The following ATP9B variants were observed in gnomAD, a reference collection of about 807,000 sequenced individuals.
The protein encoded by ATP9B is probable phospholipid-transporting ATPase IIB.
Under a neutral mutation model 146.1 loss-of-function variants are expected in ATP9B, and 110 were observed. The ratio of observed to expected loss-of-function variants is 0.75; its 90% CI spans 0.65 to 0.88. The LOEUF is 0.88. Among genes scored for constraint, ATP9B ranks in the 40% least tolerant of loss-of-function variants. The probability of loss-of-function intolerance (pLI) is 0.00; values close to 1 mark genes in which losing one functional copy is unlikely to be tolerated. For missense variants in ATP9B, 1,499 were observed against 1,496.4 expected (o/e 1.00, Z -0.03); for synonymous variants, 604 against 569.7 (o/e 1.06, Z -0.86).
intron 26 of ATP9B, among the ~76,000 whole-genome samples, chr18:79,368,074 G>C (rs114237617): frequency 6.6e-6 from 1 of 152,188 alleles, no homozygotes; most frequent in East Asian, 1.9e-4. Flanking sequence ...GCTGGAGGGC[G>C]CCATGGCCCC....
intron 7 of ATP9B, among the ~76,000 whole-genome samples, chr18:79,170,722 C>T (rs1331077528): frequency 6.6e-6 from 1 of 152,152 alleles, no homozygotes; most frequent in African/African-American, 2.4e-5. Context: ...TGGTCCAGTG[C>T]AGTGTCAGAG....
At chr18:79,235,092 C>T (rs897382741) in intron 11 of ATP9B, among the ~76,000 whole-genome samples, 6 of 152,060 alleles carry the variant, frequency 3.9e-5, no homozygotes, top group African/African-American at 1.2e-4. Flanking sequence ...GGGCTGGTCT[C>T]GAACTCCTAA....
intron 11 of ATP9B, among the ~76,000 whole-genome samples, chr18:79,222,635 TC>T (rs2095691233): frequency 6.6e-6 from 1 of 152,198 alleles, no homozygotes; most frequent in Non-Finnish European, 1.5e-5. Flanking sequence ...AGAGGAAAAT[TC>T]TGAGATTAAA....
At chr18:79,163,867 T>TACACACACACACACAC (rs1491204627) in intron 7 of ATP9B, among the ~76,000 whole-genome samples, 4 of 77,762 alleles carry the variant, frequency 5.1e-5, no homozygotes, top group Non-Finnish European at 2.3e-5. Flanking sequence ...TATTTTATTT[T>TACACACACACACACAC]ATACACACAC....
At chr18:79,260,679 G>A (rs922098808) in intron 12 of ATP9B, among the ~76,000 whole-genome samples, 2 of 152,228 alleles carry the variant, frequency 1.3e-5, no homozygotes, top group Admixed American at 6.5e-5. Flanking sequence ...GAATCTTACA[G>A]GCAGGAAACA....
chr18:79,144,574 A>G (rs941321917), intron 6 of ATP9B, among the ~76,000 whole-genome samples: 2 of 152,210 alleles, frequency 1.3e-5, no homozygotes. Flanking sequence ...TCAGGAGGTC[A>G]TGCTCGCTTG....
intron 9 of ATP9B, among the ~76,000 whole-genome samples, chr18:79,200,779 A>AGGTGGAGGTGGGGACTGTCGGGGGCAG (rs2095475928): frequency 3.5e-5 from 1 of 28,516 alleles, no homozygotes; most frequent in African/African-American, 1.4e-4. Context: ...GTCAGAGCAG[A>AGGTGGAGGTGGGGACTGTCGGGGGCAG]AGTAGTGGTG....
At chr18:79,134,389 G>T (rs2147290242) in intron 5 of ATP9B, among the ~76,000 whole-genome samples, 1 of 152,340 alleles carries the variant, frequency 6.6e-6, no homozygotes, top group Middle Eastern at 3.4e-3. Flanking sequence ...GTGGGGAGTG[G>T]CGTTACTCTG....
chr18:79,287,827 C>T (rs568436058), intron 13 of ATP9B, among the ~76,000 whole-genome samples: 1 of 149,834 alleles, frequency 6.7e-6, no homozygotes, highest in Non-Finnish European at 1.5e-5. Context: ...TCTTTGTTCT[C>T]GTTGGTTTCA....
At chr18:79,204,961 C>G (rs2095520734) in intron 9 of ATP9B, among the ~76,000 whole-genome samples, 1 of 152,006 alleles carries the variant, frequency 6.6e-6, no homozygotes, top group South Asian at 2.1e-4. Context: ...GTAAACAATT[C>G]CCAGCATCAT....
intron 13 of ATP9B, among the ~76,000 whole-genome samples, chr18:79,300,862 A>T (rs1419217884): frequency 6.6e-6 from 1 of 152,234 alleles, no homozygotes; most frequent in African/African-American, 2.4e-5. Context: ...ATTGTTCATA[A>T]TAAAAAAGTT....
Position 79,132,887 on chromosome 18 carries a change from C to G in ATP9B, c.667+6512C>G, listed in dbSNP as rs141441107. On this transcript the variant is annotated intron_variant, in intron 5 of 29. Transcript: ENST00000426216. Reference sequence around the variant, plus strand: ...TGAAAAGGAAAGCCACTTATAAATACGCTTTGTTTGGAAGCAGAAAATATT... The same window carrying G: ...TGAAAAGGAAAGCCACTTATAAATAGGCTTTGTTTGGAAGCAGAAAATATT... Among the ~76,000 whole-genome samples the G allele has an allele frequency of 2.0e-5, 3 of 152,180 alleles. No homozygotes were observed. In the South Asian group the frequency reaches 6.2e-4, roughly 31 times the overall value.
At chr18:79,244,423 C>T (rs566956334) in intron 11 of ATP9B, among the ~76,000 whole-genome samples, 24 of 152,212 alleles carry the variant, frequency 1.6e-4, no homozygotes, top group African/African-American at 5.3e-4. Context: ...ACACTAGAAA[C>T]GCATCAACTA....
intron 13 of ATP9B, among the ~76,000 whole-genome samples, chr18:79,295,495 A>G (rs906066988): frequency 1.3e-5 from 2 of 152,270 alleles, no homozygotes; most frequent in African/African-American, 2.4e-5. Context: ...CAGAATGTAC[A>G]TGGTGTTTAA....
At chr18:79,162,154 C>T (rs1258649579) in intron 7 of ATP9B, among the ~76,000 whole-genome samples, 1 of 152,142 alleles carries the variant, frequency 6.6e-6, no homozygotes, top group Non-Finnish European at 1.5e-5. Context: ...TATTTTAAAT[C>T]TTAGGTATGA....
At chr18:79,206,090 G>A (rs953270179) in intron 9 of ATP9B, among the ~76,000 whole-genome samples, 2 of 151,888 alleles carry the variant, frequency 1.3e-5, no homozygotes, top group African/African-American at 2.4e-5. Flanking sequence ...ACAGGTGCCC[G>A]CCACCATGCC....
At chr18:79,122,469 C>T (rs8091967) in intron 4 of ATP9B, among the ~76,000 whole-genome samples, 4,057 of 152,214 alleles carry the variant, frequency 0.027, 199 homozygotes, top group African/African-American at 0.093. Flanking sequence ...ATAATACTGA[C>T]GTATCTTAAA....
At chr18:79,262,286 GA>G (rs142110854) in intron 12 of ATP9B, among the ~76,000 whole-genome samples, 17 of 150,774 alleles carry the variant, frequency 1.1e-4, no homozygotes, top group African/African-American at 3.2e-4. Flanking sequence ...TTTTCTTTAG[GA>G]AAAAAAATAC....
chr18:79,285,884 C>A (rs955540962), intron 13 of ATP9B, among the ~76,000 whole-genome samples: 2 of 150,994 alleles, frequency 1.3e-5, no homozygotes, highest in African/African-American at 4.9e-5. Flanking sequence ...AATCCTTTCC[C>A]CATTGCTTGT....
Sources: allele counts gnomAD v4.1 joint callset (sites outside exome capture counted in the v4.1 genomes callset), GRCh38; gene constraint gnomAD v4.1.1; transcripts MANE v1.5; gene names NCBI Gene and HGNC (gene_info 2026-07-23, HGNC 2026-07-21).